The following DLGAP5 variants were observed in gnomAD, a reference collection of about 807,000 sequenced individuals.
DLGAP5 encodes DLG associated protein 5.
In DLGAP5, 90 loss-of-function variants were observed where a neutral mutation model predicts 99.6. That is an observed-to-expected ratio of 0.90 (90% CI 0.76 to 1.08). The LOEUF is 1.08. DLGAP5 is among the 50% of genes least tolerant of loss of function. The probability of loss-of-function intolerance (pLI) is 0.00; values close to 1 mark genes in which losing one functional copy is unlikely to be tolerated. For missense variants in DLGAP5, 1,036 were observed against 983.5 expected, an observed-to-expected ratio of 1.05 and a Z score of -0.71; for synonymous variants, 311 against 321.3, an observed-to-expected ratio of 0.97 and a Z score of 0.34.
chr14:55,150,294 C>T (rs72716698), intron 18 of DLGAP5: 1,650 of 152,992 alleles, frequency 0.011, 11 homozygotes, highest in Middle Eastern at 0.027. Flanking sequence ...TGCCTATGTG[C>T]ATCTGTACCT....
chr14:55,181,140 C>T lies in DLGAP5; in HGVS notation c.580+73G>A, dbSNP rs1472963601. 1.5e-5 allele frequency: 21 copies of T among 1,369,698 alleles called. No homozygotes were observed. In the South Asian group the frequency reaches 2.3e-4, roughly 15 times the overall value. 84.8% of individuals were successfully genotyped at this position (1,369,698 alleles called of 1,614,324 possible). A position where few individuals can be genotyped will look rare whatever the true frequency, so the allele number is the denominator to read the frequency against. ...AAACAAACGAACAAATTCCAGTTGA[C>T]CTTCAAGACACTTAAAAAAAATTAT... is the stretch of plus-strand genomic sequence containing the variant. On this transcript the variant is annotated intron_variant, in intron 5 of 18. Coordinates refer to ENST00000247191, the MANE Select transcript of DLGAP5 (RefSeq NM_014750.5).
intron 17 of DLGAP5, among the ~76,000 whole-genome samples, 156 bp from the exon 18 acceptor site, chr14:55,151,004 A>C (rs946643032): frequency 3.3e-5 from 5 of 152,264 alleles, no homozygotes; most frequent in Non-Finnish European, 7.3e-5. Context: ...GAAAGTAGTT[A>C]AATTCTTATC....
chr14:55,176,969 T>C (rs1206603964), intron 8 of DLGAP5, 93 bp downstream of exon 8: 1 of 977,416 alleles, frequency 1.0e-6, no homozygotes, highest in Non-Finnish European at 1.3e-6. Flanking sequence ...CAGAGCGAAC[T>C]CCGTCTGAAA....
intron 18 of DLGAP5, 103 bp from the exon 19 acceptor site, chr14:55,148,576 G>T: frequency 6.4e-7 from 1 of 1,573,764 alleles, no homozygotes; most frequent in African/African-American, 1.4e-5. Context: ...AAAATAAACC[G>T]GGTGCGGTGG....
At chr14:55,150,673 GAAGA>G in intron 18 of DLGAP5, 122 bp downstream of exon 18, 1 of 678,928 alleles carries the variant, frequency 1.5e-6, no homozygotes. Flanking sequence ...TGTGAAAAAT[GAAGA>G]GTGAGTAAGC....
Position 55,188,122 on chromosome 14 carries a change from T to G in DLGAP5, c.238+820A>C, listed in dbSNP as rs536404871. On this transcript the variant is annotated intron_variant, in intron 2 of 18. Transcript: ENST00000247191. ...CCACCCTTTCTCAGATAAAAAATGT[T>G]TGGTTCTTTCTGCCATTCCCTATTT... Among the ~76,000 whole-genome samples, 14 of 152,300 alleles carry G rather than the reference T, an allele frequency of 9.2e-5. No individual in the cohort carries two copies. The South Asian group carries it at 2.3e-3, about 25-fold the overall frequency.
In DLGAP5 at chr14:55,158,588, C is replaced by G; in HGVS notation, c.1807G>C (p.Glu603Gln). 1 of 1,614,104 alleles carries G rather than the reference C, an allele frequency of 6.2e-7. No individual in the cohort carries two copies. The highest frequency in any genetic ancestry group is 8.5e-7 in the Non-Finnish European group (1 of 1,180,006). Residue 603 changes from glutamate (E) to glutamine (Q), a missense_variant, in exon 14 of 19, where the codon GAA (glutamate) becomes CAA (glutamine). Transcript: ENST00000247191. ...AETAVSVIPK[E>Q]VDKIVFDAGF... ...GCATCGAACACTATTTTATCAACTT[C>G]CTTTGGTATCACAGAAACTGCTGTT...
Position 55,181,248 on chromosome 14 carries a change from G to T in DLGAP5, c.545C>A (p.Thr182Asn). Residue 182 changes from threonine (T) to asparagine (N), a missense_variant, in exon 5 of 19, where the codon ACT (threonine) becomes AAT (asparagine). Coordinates refer to ENST00000247191, the MANE Select transcript of DLGAP5 (RefSeq NM_014750.5). ...VRAIRPGPRQ[T>N]SEKKVSDKEK... ...TTTGTCTGACACTTTCTTTTCAGAA[G>T]TTTGTCTTGGACCAGGTCGGATTGC... 1 of 1,614,054 alleles carries T rather than the reference G, an allele frequency of 6.2e-7. No individual in the cohort carries two copies. Among genetic ancestry groups the T allele is most frequent in the Non-Finnish European group, 8.5e-7 (1 of 1,179,978 alleles).
rs1268754806 is a variant in DLGAP5, at chr14:55,152,609, T to A, written c.2102A>T (p.Asp701Val). ...IEDAQCPGLP[D>V]LIEENHVVNK... ...ACTTACATGATTTTCTTCAATTAAA[T>A]CTGGTAATCCAGGACACTGAGCATC... Residue 701 changes from aspartate to valine, a missense_variant, in exon 16 of 19, where the codon GAT (aspartate) becomes GTT (valine). Physicochemically the swap from Asp to Val is radical, Grantham distance 152. Transcript: ENST00000247191. 1 of 1,602,910 alleles carries A rather than the reference T, an allele frequency of 6.2e-7. No homozygotes were observed. Among genetic ancestry groups the A allele is most frequent in the Non-Finnish European group, 8.5e-7 (1 of 1,175,576 alleles).
chr14:55,185,020 C>G (rs1366598971), intron 2 of DLGAP5, among the ~76,000 whole-genome samples: 1 of 152,204 alleles, frequency 6.6e-6, no homozygotes, highest in South Asian at 2.1e-4. Context: ...CAAGGACATT[C>G]TTCCAGCAAC....
At chr14:55,185,027 C>G (rs565583104) in intron 2 of DLGAP5, among the ~76,000 whole-genome samples, 1 of 152,184 alleles carries the variant, frequency 6.6e-6, no homozygotes, top group Admixed American at 6.5e-5. Context: ...ATTCTTCCAG[C>G]AACTTATCCT....
In DLGAP5 at chr14:55,175,949, C is replaced by G. The variant is rs199582303; in HGVS notation, c.1119G>C (p.Gln373His). The G allele has an allele frequency of 9.3e-6, 15 of 1,609,732 alleles. No homozygotes were observed. In the East Asian group the frequency reaches 3.1e-4, roughly 34 times the overall value. Residue 373 changes from glutamine (Q) to histidine (H), a missense_variant, in exon 9 of 19, where the codon CAG becomes CAC. Physicochemically the swap from Gln to His is conservative, Grantham distance 24 (BLOSUM62 0). Coordinates refer to ENST00000247191, the MANE Select transcript of DLGAP5 (RefSeq NM_014750.5). Reference sequence around the variant, plus strand: ...GACATGGCAATTTATTTGAATCTTGCTGTATTGTCTTGGTAGAGTAAGTTT... The same window carrying G: ...GACATGGCAATTTATTTGAATCTTGGTGTATTGTCTTGGTAGAGTAAGTTT... ...KCKTYSTKTI[Q>H]QDSNKLPCPL...
chr14:55,151,388 A>T (rs1475683503), intron 17 of DLGAP5, among the ~76,000 whole-genome samples: 1 of 152,178 alleles, frequency 6.6e-6, no homozygotes, highest in Admixed American at 6.5e-5. Flanking sequence ...CTCTGTCTCT[A>T]CTAAAAATAA....
intron 11 of DLGAP5, among the ~76,000 whole-genome samples, chr14:55,170,006 G>A (rs1882799561): frequency 6.6e-6 from 1 of 152,074 alleles, no homozygotes; most frequent in African/African-American, 2.4e-5. Context: ...CTGGTGGCAG[G>A]CACCTATAAT....
At chr14:55,159,015 G>A (rs1882315581) in intron 13 of DLGAP5, among the ~76,000 whole-genome samples, 1 of 150,526 alleles carries the variant, frequency 6.6e-6, no homozygotes, top group African/African-American at 2.5e-5. Context: ...ATAAATTTAG[G>A]GGACATCCTT....
chr14:55,170,437 A>C (rs1194463009), intron 11 of DLGAP5, among the ~76,000 whole-genome samples: 1 of 152,192 alleles, frequency 6.6e-6, no homozygotes, highest in Non-Finnish European at 1.5e-5. Flanking sequence ...AAAATGTCTA[A>C]GTCAAAGGAA....
intron 5 of DLGAP5, 54 bp downstream of exon 5, chr14:55,181,159 A>T (rs1239093132): frequency 6.5e-7 from 1 of 1,529,844 alleles, no homozygotes; most frequent in Non-Finnish European, 8.9e-7. Context: ...CACTTAAAAA[A>T]AATTATGGCT....
At chr14:55,164,903 CAG>C (rs1303014418) in intron 12 of DLGAP5, among the ~76,000 whole-genome samples, 1 of 125,342 alleles carries the variant, frequency 8.0e-6, no homozygotes, top group East Asian at 2.3e-4. Context: ...GCCTGGGCGA[CAG>C]AGTGAGACTC....
intron 12 of DLGAP5, among the ~76,000 whole-genome samples, chr14:55,166,915 G>T (rs945042572): frequency 6.0e-5 from 9 of 149,556 alleles, no homozygotes; most frequent in Non-Finnish European, 8.9e-5. Flanking sequence ...TGGCCAACTT[G>T]AAGTGGCTCC....
Sources: allele counts gnomAD v4.1 joint callset (sites outside exome capture counted in the v4.1 genomes callset), GRCh38; gene constraint gnomAD v4.1.1; transcripts MANE v1.5; gene names NCBI Gene and HGNC (gene_info 2026-07-23, HGNC 2026-07-21).